The following STXBP4 variants were observed in gnomAD, a reference collection of about 807,000 sequenced individuals.
STXBP4 encodes syntaxin binding protein 4, also known as syntaxin-binding protein 4.
Under a neutral mutation model 76.1 loss-of-function variants are expected in STXBP4, and 55 were observed. The observed-to-expected ratio is 0.72, with a 90% CI of 0.58 to 0.91. The LOEUF is 0.91. STXBP4 is among the 40% of genes least tolerant of loss of function. The pLI, the probability that STXBP4 is intolerant of heterozygous loss-of-function variation, is 0.00. For synonymous variants in STXBP4, 201 were observed against 220.2 expected, an observed-to-expected ratio of 0.91 and a Z score of 0.77; for missense variants, 618 against 636.9, an observed-to-expected ratio of 0.97 and a Z score of 0.32.
the STXBP4 span, among the ~76,000 whole-genome samples, chr17:55,206,073 T>G: frequency 1.3e-5 from 2 of 152,132 alleles, no homozygotes; most frequent in Non-Finnish European, 1.5e-5. Context: ...TCTATATTGA[T>G]TAGTGAGAAA....
chr17:55,068,962 G>A lies in STXBP4; in HGVS notation c.1012-3938G>A, dbSNP rs541692336. Among the ~76,000 whole-genome samples, 6 of 152,124 alleles carry A rather than the reference G, an allele frequency of 3.9e-5. No individual in the cohort carries two copies. The South Asian group carries it at 1.0e-3, about 26-fold the overall frequency. ...ATAGTATATTTATTGTCCTGTGTGT[G>A]AGCTGTTACCGTGCTTTGTCCCAAC... On this transcript the variant is annotated intron_variant, in intron 12 of 17. Transcript: ENST00000376352.
Position 55,164,642 on chromosome 17 carries a change from C to T in STXBP4, c.*4731C>T, listed in dbSNP as rs868285316. 3 of 150,104 alleles carry T rather than the reference C, an allele frequency of 2.0e-5. No homozygotes were observed. Among genetic ancestry groups the T allele is most frequent in the Admixed American group, 6.6e-5 (1 of 15,100 alleles). The allele number at this position is 150,104 out of a possible 1,614,324, so 9.3% of individuals were successfully genotyped here. ...ATTTTTTTTGTATTTTTAGTAGAGA[C>T]GGGGTTTCACCTTGTTAGCCAGGAT... On this transcript the variant is annotated 3_prime_UTR_variant, in exon 18 of 18. Transcript: ENST00000376352.
intron 15 of STXBP4, 142 bp from the exon 16 acceptor site, chr17:55,080,908 T>G: frequency 1.4e-6 from 1 of 691,652 alleles, no homozygotes; most frequent in Non-Finnish European, 2.1e-6. Context: ...TGTGAATTAC[T>G]TCAATTTTGG....
chr17:55,183,722 G>A, the STXBP4 span, among the ~76,000 whole-genome samples: 36 of 152,242 alleles, frequency 2.4e-4, 1 homozygote, highest in East Asian at 6.6e-3. Context: ...AAAACTGAAA[G>A]AAAGGTAGTA....
At chr17:55,100,400 T>G (rs1218882368) in intron 16 of STXBP4, among the ~76,000 whole-genome samples, 1 of 152,134 alleles carries the variant, frequency 6.6e-6, no homozygotes, top group South Asian at 2.1e-4. Context: ...ACTTATAGCC[T>G]CAATAAGGAA....
At chr17:55,094,999 A>T (rs940199346) in intron 16 of STXBP4, among the ~76,000 whole-genome samples, 2 of 152,244 alleles carry the variant, frequency 1.3e-5, no homozygotes, top group African/African-American at 4.8e-5. Flanking sequence ...ACATACCGAT[A>T]GCATTAAGAT....
chr17:55,018,234 G>T (rs555424614), intron 8 of STXBP4, among the ~76,000 whole-genome samples: 1 of 152,188 alleles, frequency 6.6e-6, no homozygotes, highest in Non-Finnish European at 1.5e-5. Context: ...GCGCTTAGCC[G>T]TGCAGGAACA....
At chr17:54,993,338 A>G (rs546490009) in intron 4 of STXBP4, among the ~76,000 whole-genome samples, 3 of 152,344 alleles carry the variant, frequency 2.0e-5, no homozygotes, top group Non-Finnish European at 4.4e-5. Flanking sequence ...GAAGAGGACC[A>G]GGGGTGATGG....
intron 7 of STXBP4, among the ~76,000 whole-genome samples, chr17:55,006,821 A>G (rs2078016457): frequency 6.6e-6 from 1 of 152,228 alleles, no homozygotes; most frequent in African/African-American, 2.4e-5. Flanking sequence ...GTACTTCCAG[A>G]ATACACATCA....
chr17:54,972,739 C>G (rs1598137022), intron 1 of STXBP4, among the ~76,000 whole-genome samples: 1 of 152,194 alleles, frequency 6.6e-6, no homozygotes, highest in Non-Finnish European at 1.5e-5. Context: ...GTGTTCATTA[C>G]TAGCCTCTCT....
intron 6 of STXBP4, chr17:55,000,210 C>G (rs1292464391): frequency 7.0e-5 from 69 of 985,114 alleles, no homozygotes; most frequent in Non-Finnish European, 8.1e-5. Flanking sequence ...CCTTTTTGTT[C>G]CTTAGCTTCT....
chr17:55,109,737 C>T (rs191822640), intron 16 of STXBP4, among the ~76,000 whole-genome samples: 7 of 150,760 alleles, frequency 4.6e-5, no homozygotes, highest in Admixed American at 1.3e-4. Flanking sequence ...TCAAGCAATT[C>T]TCCTGCCTTA....
intron 16 of STXBP4, among the ~76,000 whole-genome samples, chr17:55,132,323 T>C (rs1050224429): frequency 6.6e-6 from 1 of 152,142 alleles, no homozygotes; most frequent in African/African-American, 2.4e-5. Flanking sequence ...CCTGAGTAGC[T>C]GGGATTACAG....
At chr17:55,192,533 A>G in the STXBP4 span, among the ~76,000 whole-genome samples, 2,874 of 152,276 alleles carry the variant, frequency 0.019, 92 homozygotes, top group African/African-American at 0.065. Context: ...AAATGGAGGA[A>G]AGAGACCAGG....
At chr17:54,986,830 G>C (rs2077633553) in intron 3 of STXBP4, among the ~76,000 whole-genome samples, 1 of 152,044 alleles carries the variant, frequency 6.6e-6, no homozygotes, top group African/African-American at 2.4e-5. Context: ...TTTTTCTCAT[G>C]ATTCAGTGGG....
intron 12 of STXBP4, among the ~76,000 whole-genome samples, chr17:55,066,118 G>A (rs1231103682): frequency 6.6e-6 from 1 of 152,180 alleles, no homozygotes; most frequent in Non-Finnish European, 1.5e-5. Flanking sequence ...ATTAGGTAAG[G>A]TTGAAAAAGA....
At position 55,163,884 on chromosome 17, in the gene STXBP4, A is replaced by G. The variant is rs1418253039; in HGVS notation, c.*3973A>G. The G allele has an allele frequency of 6.6e-6, 1 of 152,664 alleles. No individual in the cohort carries two copies. The highest frequency in any genetic ancestry group is 2.4e-5 in the African/African-American group (1 of 41,464). The allele number at this position is 152,664 out of a possible 1,614,324, so 9.5% of individuals were successfully genotyped here. On this transcript the variant is annotated 3_prime_UTR_variant, in exon 18 of 18. Coordinates refer to ENST00000376352, the MANE Select transcript of STXBP4 (RefSeq NM_178509.6). ...GAAGAGCCTCTCCAATAATAAATGC[A>G]AAGCAGCTGTCAAAATATAGAGTCA...
chr17:55,056,917 AG>A (rs1290930000), intron 12 of STXBP4, among the ~76,000 whole-genome samples: 1 of 152,220 alleles, frequency 6.6e-6, no homozygotes, highest in African/African-American at 2.4e-5. Context: ...GTATGAAGAA[AG>A]CATACTTCAA....
intron 16 of STXBP4, among the ~76,000 whole-genome samples, chr17:55,137,540 A>G (rs1444576540): frequency 6.6e-6 from 1 of 152,092 alleles, no homozygotes; most frequent in East Asian, 1.9e-4. Flanking sequence ...TGCTGGATTA[A>G]GCTATATGGA....
Sources: gnomAD v4.1 joint callset for allele counts (sites outside exome capture counted in the v4.1 genomes callset) on GRCh38, gnomAD v4.1.1 for gene constraint, MANE v1.5 for transcripts, NCBI Gene and HGNC (gene_info 2026-07-23, HGNC 2026-07-21) for gene names.